XPNPEP1: variants seen among roughly 807,000 people sequenced by gnomAD.
The protein encoded by XPNPEP1 is xaa-Pro aminopeptidase 1.
A neutral mutation model predicts 92.4 loss-of-function variants in XPNPEP1; 39 were observed. The observed-to-expected ratio is 0.42, with a 90% CI of 0.33 to 0.55. XPNPEP1 has a LOEUF of 0.55. Among genes scored for constraint, XPNPEP1 ranks in the 20% least tolerant of loss-of-function variants. XPNPEP1 has a pLI of 0.08. For synonymous variants in XPNPEP1, 307 were observed against 299.4 expected, an observed-to-expected ratio of 1.03 and a Z score of -0.26; for missense variants, 654 against 856.1, an observed-to-expected ratio of 0.76 and a Z score of 2.95.
intron 19 of XPNPEP1, 176 bp downstream of exon 19, chr10:109,869,777 G>GT (rs1847346428): frequency 5.3e-6 from 3 of 569,818 alleles, no homozygotes; most frequent in Admixed American, 6.2e-5. Flanking sequence ...AAGGCTCCAT[G>GT]TTGGCCCCAG....
At chr10:109,874,930 C>T (rs1251884020) in intron 15 of XPNPEP1, among the ~76,000 whole-genome samples, 2 of 152,156 alleles carry the variant, frequency 1.3e-5, no homozygotes, top group African/African-American at 4.8e-5. Context: ...GCCTGGGCTA[C>T]AGAGTGAGAC....
chr10:109,888,519 G>C lies in XPNPEP1; in HGVS notation c.492C>G (p.Pro164=). ...CTCACTTACCTGTAGGAATGATCAA[G>C]GGGTCCACACCAACCCTGGATCCTT... ...LPEGSRVGVD[P]LIIPTDYWKK... is the part of the protein sequence containing the mutation. Residue 164 remains proline (P), a synonymous_variant, in exon 6 of 21, where the codon CCC becomes CCG. Coordinates refer to ENST00000502935, the MANE Select transcript of XPNPEP1 (RefSeq NM_020383.4). The C allele has an allele frequency of 6.2e-7, 1 of 1,611,052 alleles. No homozygotes were observed. The highest frequency in any genetic ancestry group is 8.5e-7 in the Non-Finnish European group (1 of 1,178,460).
In XPNPEP1 at chr10:109,870,620, A is replaced by T. The variant is rs550190132; in HGVS notation, c.1696+111T>A. On this transcript the variant is annotated intron_variant, in intron 18 of 20. Transcript: ENST00000502935. ...TCTATAATCAGAAAAGTTTGTTGGA[A>T]GGGAAAAGTATTGCCAATTTACTTT... 207 of 1,389,838 alleles carry T rather than the reference A, an allele frequency of 1.5e-4. No homozygotes were observed. The African/African-American group carries it at 2.7e-3, about 18-fold the overall frequency. The allele number at this position is 1,389,838 out of a possible 1,614,324, so 86.1% of individuals were successfully genotyped here.
At chr10:109,897,671 T>TA (rs397692563) in intron 3 of XPNPEP1, among the ~76,000 whole-genome samples, 1 of 151,432 alleles carries the variant, frequency 6.6e-6, no homozygotes, top group African/African-American at 2.4e-5. Context: ...TTTTTTTTTT[T>TA]AAGATGGGGT....
intron 3 of XPNPEP1, among the ~76,000 whole-genome samples, chr10:109,906,420 G>C (rs191668308): frequency 2.0e-5 from 3 of 152,234 alleles, no homozygotes; most frequent in African/African-American, 7.2e-5. Flanking sequence ...CTGATATGCA[G>C]CAAGACCTGA....
chr10:109,878,175 C>G, intron 12 of XPNPEP1, 117 bp from the exon 13 acceptor site: 1 of 1,107,034 alleles, frequency 9.0e-7, no homozygotes, highest in Non-Finnish European at 1.4e-6. Context: ...CCCAACTGAC[C>G]AATCTACAGG....
intron 2 of XPNPEP1, among the ~76,000 whole-genome samples, chr10:109,914,579 C>T (rs1444847320): frequency 6.6e-6 from 1 of 152,076 alleles, no homozygotes; most frequent in African/African-American, 2.4e-5. Context: ...GGCAGATCAC[C>T]TGAGGTCGGG....
chr10:109,899,008 A>G (rs1849132929), intron 3 of XPNPEP1, among the ~76,000 whole-genome samples: 1 of 152,246 alleles, frequency 6.6e-6, no homozygotes, highest in Non-Finnish European at 1.5e-5. Context: ...GTTCTCAAGA[A>G]AATTGAAACT....
At position 109,867,597 on chromosome 10, in the gene XPNPEP1, G is replaced by T. The variant is rs1177896751; in HGVS notation, c.1872+1017C>A. On this transcript the variant is annotated intron_variant, in intron 20 of 20. Coordinates refer to ENST00000502935, the MANE Select transcript of XPNPEP1 (RefSeq NM_020383.4). The surrounding 1 kb of genome is among the most constrained non-coding windows in gnomAD (Gnocchi z 4.5). ...CCCATTCCACAGCTCCTGTGGAAGG[G>T]AAGGTCCTTAACCCCCAAAGACCCT... is the stretch of plus-strand genomic sequence containing the variant. Among the ~76,000 whole-genome samples the T allele has an allele frequency of 1.3e-5, 2 of 152,226 alleles. No individual in the cohort carries two copies. Among genetic ancestry groups the T allele is most frequent in the Non-Finnish European group, 2.9e-5 (2 of 68,034 alleles).
chr10:109,897,807 C>A (rs909696661), intron 3 of XPNPEP1, among the ~76,000 whole-genome samples: 2 of 152,138 alleles, frequency 1.3e-5, no homozygotes, highest in East Asian at 3.8e-4. Context: ...GCGCCCACCA[C>A]CACACCCAGC....
chr10:109,866,908 G>A (rs1162505761), intron 20 of XPNPEP1, among the ~76,000 whole-genome samples: 1 of 152,236 alleles, frequency 6.6e-6, no homozygotes, highest in Non-Finnish European at 1.5e-5. Context: ...CCTGGTCTAT[G>A]TCCAATGTCA....
rs766068901 is a variant in XPNPEP1 at position 109,886,201 on chromosome 10, G to C, written c.748+45C>G. On this transcript the variant is annotated intron_variant, in intron 8 of 20. Coordinates refer to ENST00000502935, the MANE Select transcript of XPNPEP1 (RefSeq NM_020383.4). ...CACACAGATACCCAGAGACCCAAAG[G>C]AGAGATCGGGTAACATGCCCAAACA... The C allele has an allele frequency of 2.8e-5, 45 of 1,585,526 alleles. 2 individuals carry two copies. The Middle Eastern group carries it at 5.7e-3, about 200-fold the overall frequency.
intron 8 of XPNPEP1, 40 bp from the exon 9 acceptor site, chr10:109,884,188 A>C (rs764616698): frequency 5.6e-6 from 9 of 1,601,250 alleles, no homozygotes; most frequent in African/African-American, 1.3e-5. Flanking sequence ...TGTCTGACTT[A>C]AGATGTTAAG....
chr10:109,893,824 A>C (rs1848830952), intron 3 of XPNPEP1, among the ~76,000 whole-genome samples: 1 of 152,244 alleles, frequency 6.6e-6, no homozygotes. Context: ...CAAATCACAC[A>C]GCTAATTAAG....
In XPNPEP1 at chr10:109,888,665, C is replaced by G; in HGVS notation, c.416-70G>C. ...CGCTCATTATCCCACCAGAAAGATA[C>G]AATTCTCTAACATCATGATAGCAGG... On this transcript the variant is annotated intron_variant, in intron 5 of 20. Transcript: ENST00000502935. 3 of 1,268,786 alleles carry G rather than the reference C, an allele frequency of 2.4e-6. No individual in the cohort carries two copies. In the South Asian group the frequency reaches 4.5e-5, roughly 19 times the overall value. The allele number at this position is 1,268,786 out of a possible 1,614,324, so 78.6% of individuals were successfully genotyped here.
In XPNPEP1 at chr10:109,867,453, C is replaced by G. The variant is rs562460977; in HGVS notation, c.1872+1161G>C. The stretch of plus-strand genomic sequence containing the variant: ...TGGGAATGTTTAGCTGAACCAAGGG[C>G]ACGGATGGTTAAGCAGAGGCGCTCA... On this transcript the variant is annotated intron_variant, in intron 20 of 20. Coordinates refer to ENST00000502935, the MANE Select transcript of XPNPEP1 (RefSeq NM_020383.4). This position sits in a 1 kb window ranked among gnomAD's most constrained non-coding sequence, Gnocchi z 4.5. Among the ~76,000 whole-genome samples the G allele has an allele frequency of 1.3e-5, 2 of 152,350 alleles. No individual in the cohort carries two copies. Among genetic ancestry groups the G allele is most frequent in the African/African-American group, 4.8e-5 (2 of 41,572 alleles).
intron 9 of XPNPEP1, chr10:109,883,740 G>T (rs1458177335): frequency 8.5e-6 from 2 of 236,014 alleles, no homozygotes; most frequent in Non-Finnish European, 1.6e-5. Context: ...AAAATGACTG[G>T]GTTTATTTGC....
rs113393611 is a variant in XPNPEP1, at chr10:109,887,646, C to T, written c.652+403G>A. On this transcript the variant is annotated intron_variant, in intron 7 of 20. Transcript: ENST00000502935. The stretch of plus-strand genomic sequence containing the variant: ...CCCAAAGCCTCTAAAGCAGAAGGTA[C>T]AAGATGGAGGACAAAGGCCTAGGAA... Among the ~76,000 whole-genome samples the T allele has an allele frequency of 1.3e-3, 196 of 152,262 alleles. 1 individual carries two copies. The highest frequency in any genetic ancestry group is 4.6e-3 in the African/African-American group (190 of 41,554).
intron 9 of XPNPEP1, chr10:109,883,752 T>C (rs1848237520): frequency 1.2e-5 from 3 of 251,318 alleles, no homozygotes; most frequent in East Asian, 7.4e-5. Context: ...TTTATTTGCA[T>C]TGTGGACCCA....
Sources: allele counts gnomAD v4.1 joint callset (sites outside exome capture counted in the v4.1 genomes callset), GRCh38; gene constraint gnomAD v4.1.1; non-coding constraint Gnocchi (gnomAD v3.1); transcripts MANE v1.5; gene names NCBI Gene and HGNC (gene_info 2026-07-23, HGNC 2026-07-21).